ERAP2: variants seen among roughly 807,000 people sequenced by gnomAD.
ERAP2 encodes leukocyte-derived arginine aminopeptidase.
In ERAP2, 118 loss-of-function variants were observed where a neutral mutation model predicts 111.1. The ratio of observed to expected loss-of-function variants is 1.06; its 90% confidence interval spans 0.92 to 1.24. The LOEUF (loss-of-function observed/expected upper bound fraction) is 1.24. Ranked by LOEUF, ERAP2 falls within the 50% of genes most tolerant of loss-of-function variation. The pLI, the probability that ERAP2 is intolerant of heterozygous loss-of-function variation, is 0.00. For missense variants in ERAP2, 1,131 were observed against 1,125.8 expected (o/e 1.00, Z -0.07); for synonymous variants, 410 against 401.2 (o/e 1.02, Z -0.26).
chr5:96,892,586 C>T, intron 6 of ERAP2, 133 bp downstream of exon 6: 1 of 997,728 alleles, frequency 1.0e-6, no homozygotes, highest in Middle Eastern at 2.8e-4. Flanking sequence ...CTAAACCTAA[C>T]ACAACGTCAA....
chr5:96,912,920 T>C, intron 16 of ERAP2, 122 bp downstream of exon 16: 1 of 743,924 alleles, frequency 1.3e-6, no homozygotes, highest in Non-Finnish European at 2.1e-6. Flanking sequence ...TGTATGGCTT[T>C]AACTTTACTT....
rs571474775 is a variant in ERAP2, at chr5:96,904,727, A to G, written c.2012+1167A>G. Among the ~76,000 whole-genome samples the G allele has an allele frequency of 3.3e-5, 5 of 152,324 alleles. No individual in the cohort carries two copies. In the East Asian group the frequency reaches 5.8e-4, roughly 18 times the overall value. ...GCAAGACTTGGAAAAAATGGAGAAT[A>G]TTGACAATTCAGCAAATTAATCTTT... On this transcript the variant is annotated intron_variant, in intron 13 of 18. Transcript: ENST00000437043.
chr5:96,903,526 G>GT lies in ERAP2; in HGVS notation c.1979dup (p.Gly661ArgfsTer5). On this transcript the variant is annotated frameshift_variant, in exon 13 of 19. Transcript: ENST00000437043. LOFTEE classifies it high-confidence loss of function. The stretch of plus-strand genomic sequence containing the variant: ...CACACTTCTCAGACCTAAGGACAGA[G>GT]TAGGTCTGATTCATGATGTGTTTCA... 6.2e-7 allele frequency: 1 copy of GT among 1,610,594 alleles called. No homozygotes were observed. Among genetic ancestry groups the GT allele is most frequent in the Non-Finnish European group, 8.5e-7 (1 of 1,179,088 alleles).
chr5:96,903,633 A>G (rs1785725672), intron 13 of ERAP2, 73 bp downstream of exon 13: 1 of 1,340,844 alleles, frequency 7.5e-7, no homozygotes. Flanking sequence ...TTCAATATTG[A>G]ATGTTCAACA....
intron 1 of ERAP2, among the ~76,000 whole-genome samples, chr5:96,878,400 C>A (rs201818348): frequency 5.3e-5 from 1 of 19,042 alleles, no homozygotes; most frequent in East Asian, 8.7e-4. Flanking sequence ...CAATGCCATT[C>A]GTAGTAATAA....
rs780552323 is a variant in ERAP2 at position 96,903,420 on chromosome 5, T to G, written c.1872T>G (p.Asn624Lys). Residue 624 changes from asparagine (N) to lysine (K), a missense_variant, in exon 13 of 19, where the codon AAT (asparagine) becomes AAG (lysine). By Grantham distance (94) the Asn-to-Lys change is moderately conservative. Transcript: ENST00000437043. ...LPEKTSWVKF[N>K]VDSNGYYIVH... ...AAAAGACCAGTTGGGTGAAATTTAA[T>G]GTGGACTCAAATGGTTACTACATCG... 3.1e-6 allele frequency: 5 copies of G among 1,613,662 alleles called. No individual in the cohort carries two copies. Among genetic ancestry groups the G allele is most frequent in the Non-Finnish European group, 4.2e-6 (5 of 1,179,860 alleles).
intron 4 of ERAP2, among the ~76,000 whole-genome samples, chr5:96,888,733 G>T (rs1784018157): frequency 6.6e-6 from 1 of 152,188 alleles, no homozygotes; most frequent in Non-Finnish European, 1.5e-5. Context: ...TTAGTTTAAA[G>T]CAAGCTTGAC....
At position 96,903,450 on chromosome 5, in the gene ERAP2, C is replaced by T; in HGVS notation, c.1902C>T (p.His634=). The T allele has an allele frequency of 1.9e-6, 3 of 1,614,030 alleles. No homozygotes were observed. The highest frequency in any genetic ancestry group is 2.5e-6 in the Non-Finnish European group (3 of 1,179,946). Reference sequence around the variant, plus strand: ...ACTCAAATGGTTACTACATCGTTCACTATGAGGGTCATGGATGGGACCAAC... The same window carrying T: ...ACTCAAATGGTTACTACATCGTTCATTATGAGGGTCATGGATGGGACCAAC... ...NVDSNGYYIV[H]YEGHGWDQLI... Residue 634 remains histidine (H), a synonymous_variant, in exon 13 of 19, where the codon CAC becomes CAT. Transcript: ENST00000437043.
intron 13 of ERAP2, among the ~76,000 whole-genome samples, chr5:96,904,009 G>C (rs2548531): frequency 0.54 from 82,039 of 151,734 alleles, 22,202 homozygotes; most frequent in Admixed American, 0.59. Flanking sequence ...ATGTATTTAT[G>C]TTATTAGCTG....
chr5:96,896,269 T>C, intron 7 of ERAP2, 104 bp from the exon 8 acceptor site: 2 of 897,444 alleles, frequency 2.2e-6, no homozygotes, highest in South Asian at 2.0e-5. Context: ...GAAATATCGA[T>C]TGAAATCTTA....
intron 5 of ERAP2, chr5:96,889,596 C>A (rs939230566): frequency 6.0e-6 from 4 of 664,360 alleles, no homozygotes; most frequent in African/African-American, 1.8e-5. Flanking sequence ...GAGGCTGGGA[C>A]GGAAGCCAGG....
chr5:96,902,477 A>G, intron 12 of ERAP2, 124 bp downstream of exon 12: 1 of 626,900 alleles, frequency 1.6e-6, no homozygotes, highest in East Asian at 2.8e-5. Flanking sequence ...GGAAGTTGTC[A>G]TTTATCCATA....
At chr5:96,913,276 A>T in intron 16 of ERAP2, 41 bp from the exon 17 acceptor site, 1 of 1,552,346 alleles carries the variant, frequency 6.4e-7, no homozygotes, top group Non-Finnish European at 8.9e-7. Context: ...CCATGTACAT[A>T]ATACCTACTA....
chr5:96,889,766 C>G (rs1320994970), intron 5 of ERAP2, among the ~76,000 whole-genome samples: 1 of 152,042 alleles, frequency 6.6e-6, no homozygotes, highest in African/African-American at 2.4e-5. Flanking sequence ...ACACACCTCC[C>G]ATCGTGCTGC....
chr5:96,893,669 G>T lies in ERAP2; in HGVS notation c.1125+1216G>T, dbSNP rs1243438805. Among the ~76,000 whole-genome samples the T allele has an allele frequency of 6.6e-5, 10 of 152,296 alleles. No homozygotes were observed. The South Asian group carries it at 2.1e-3, about 32-fold the overall frequency. ...CTCTTCCACGGAGATGCAGTCAAGT[G>T]CTGAAGCAGCAAACAGCACTGGAAT... On this transcript the variant is annotated intron_variant, in intron 6 of 18. Transcript: ENST00000437043.
At position 96,892,279 on chromosome 5, in the gene ERAP2, T is replaced by G; in HGVS notation, c.971-20T>G. The G allele has an allele frequency of 6.2e-7, 1 of 1,613,100 alleles. No individual in the cohort carries two copies. The highest frequency in any genetic ancestry group is 8.5e-7 in the Non-Finnish European group (1 of 1,179,234). On this transcript the variant is annotated intron_variant, in intron 5 of 18. Coordinates refer to ENST00000437043, the MANE Select transcript of ERAP2 (RefSeq NM_022350.5). ...GTGTGGGAGCCATAAAACTCAAGTA[T>G]GGTTGTTCTTATTTCTTAGATTTAA...
rs1174830425 is a variant in ERAP2, at chr5:96,903,434, G to T, written c.1886G>T (p.Gly629Val). 4.3e-6 allele frequency: 7 copies of T among 1,613,920 alleles called. No homozygotes were observed. The South Asian group carries it at 7.7e-5, about 18-fold the overall frequency. Residue 629 changes from glycine (G) to valine (V), a missense_variant, in exon 13 of 19, where the codon GGT becomes GTT. Physicochemically the swap from Gly to Val is moderately radical, Grantham distance 109. This residue lies in a region of ERAP2 where 847 missense variants were observed against 856.5 expected (regional missense o/e 0.99). Transcript: ENST00000437043. ...GTGAAATTTAATGTGGACTCAAATG[G>T]TTACTACATCGTTCACTATGAGGGT... ...SWVKFNVDSN[G>V]YYIVHYEGHG...
chr5:96,899,711 A>T (rs1020523001), intron 9 of ERAP2, among the ~76,000 whole-genome samples: 1 of 152,204 alleles, frequency 6.6e-6, no homozygotes, highest in African/African-American at 2.4e-5. Flanking sequence ...AAGAACTTGT[A>T]ATATGTCAGG....
Position 96,913,131 on chromosome 5 carries a change from T to G in ERAP2, c.2517-186T>G, listed in dbSNP as rs1268699786. On this transcript the variant is annotated intron_variant, in intron 16 of 18. Coordinates refer to ENST00000437043, the MANE Select transcript of ERAP2 (RefSeq NM_022350.5). Reference sequence around the variant, plus strand: ...TTATTTGAAATAATAAGTAAATGTTTTTGATAGGAACAAAATAAAAATTAT... The same window carrying G: ...TTATTTGAAATAATAAGTAAATGTTGTTGATAGGAACAAAATAAAAATTAT... Among the ~76,000 whole-genome samples, 6 of 152,198 alleles carry G rather than the reference T, an allele frequency of 3.9e-5. No homozygotes were observed. The East Asian group carries it at 1.2e-3, about 29-fold the overall frequency.
Sources: gnomAD v4.1 joint callset for allele counts (sites outside exome capture counted in the v4.1 genomes callset) on GRCh38, gnomAD v4.1.1 for gene constraint, gnomAD v4.1.1 regional missense constraint, MANE v1.5 for transcripts, NCBI Gene and HGNC (gene_info 2026-07-23, HGNC 2026-07-21) for gene names.